The following CAST variants were observed in gnomAD, a reference collection of about 807,000 sequenced individuals.
CAST encodes the protein MIR583 host.
A neutral mutation model predicts 119.6 loss-of-function variants in CAST; 76 were observed. The observed-to-expected ratio is 0.64, with a 90% CI of 0.53 to 0.77. The LOEUF is 0.77. Ranked by LOEUF, CAST falls within the 30% of genes least tolerant of loss-of-function variation. The pLI, the probability that CAST is intolerant of heterozygous loss-of-function variation, is 0.00. For missense variants in CAST, 953 were observed against 946.5 expected (o/e 1.01, Z -0.09); for synonymous variants, 319 against 331.6 (o/e 0.96, Z 0.41).
chr5:96,047,626 A>G, the CAST span, among the ~76,000 whole-genome samples: 1 of 152,236 alleles, frequency 6.6e-6, no homozygotes, highest in African/African-American at 2.4e-5. Context: ...TTTATAATGC[A>G]TTCATTCATC....
At chr5:96,757,369 G>A (rs1766535990) in intron 22 of CAST, 75 bp from the exon 23 acceptor site, 8 of 1,315,914 alleles carry the variant, frequency 6.1e-6, no homozygotes, top group Non-Finnish European at 8.8e-6. Context: ...TAGACCCTTT[G>A]TAATGTTTAC....
At chr5:96,381,736 T>C in the CAST span, among the ~76,000 whole-genome samples, 40,339 of 152,170 alleles carry the variant, frequency 0.27, 5,446 homozygotes, top group East Asian at 0.32. Context: ...GTCACACACA[T>C]GCTCTTTTGA....
intron 1 of CAST, among the ~76,000 whole-genome samples, chr5:96,572,401 A>T (rs2150187407): frequency 6.6e-6 from 1 of 152,262 alleles, no homozygotes; most frequent in East Asian, 1.9e-4. Flanking sequence ...GGGTTTCGCC[A>T]TGTTGGCCAG....
the CAST span, among the ~76,000 whole-genome samples, chr5:96,508,146 T>C: frequency 2.6e-5 from 4 of 151,904 alleles, no homozygotes; most frequent in African/African-American, 2.4e-5. Flanking sequence ...CAGAAGTGAG[T>C]CATTACACCT....
At chr5:95,973,612 C>T in the CAST span, among the ~76,000 whole-genome samples, 1,158 of 152,214 alleles carry the variant, frequency 7.6e-3, 4 homozygotes, top group Non-Finnish European at 0.011. Context: ...ACTGTATTTG[C>T]ACCTAAGTAA....
chr5:96,566,422 A>C (rs1325631513), intron 1 of CAST, among the ~76,000 whole-genome samples: 1 of 152,234 alleles, frequency 6.6e-6, no homozygotes, highest in Non-Finnish European at 1.5e-5. Flanking sequence ...AGGTGATGCT[A>C]ATCTATCACT....
the CAST span, among the ~76,000 whole-genome samples, chr5:96,518,082 C>T: frequency 6.6e-6 from 1 of 152,340 alleles, no homozygotes; most frequent in African/African-American, 2.4e-5. Context: ...GCAGAGCCCA[C>T]ATTCTTAAAT....
the CAST span, among the ~76,000 whole-genome samples, chr5:96,359,207 T>G: frequency 6.6e-6 from 1 of 152,344 alleles, no homozygotes; most frequent in South Asian, 2.1e-4. Context: ...CTCCATCCCT[T>G]TATCTTGAGC....
chr5:96,727,054 C>G (rs944114951), intron 5 of CAST, among the ~76,000 whole-genome samples, 195 bp downstream of exon 5: 3 of 152,226 alleles, frequency 2.0e-5, no homozygotes, highest in African/African-American at 7.2e-5. Flanking sequence ...GCCCTCAATT[C>G]TGTCACCATC....
the CAST span, among the ~76,000 whole-genome samples, chr5:96,496,319 ATTTC>A: frequency 6.6e-6 from 1 of 152,190 alleles, no homozygotes; most frequent in Admixed American, 6.6e-5. Context: ...TGAAAGAAAT[ATTTC>A]TTATTGCACA....
intron 1 of CAST, among the ~76,000 whole-genome samples, chr5:96,553,076 C>G (rs59397928): frequency 2.6e-5 from 4 of 152,096 alleles, no homozygotes; most frequent in Non-Finnish European, 4.4e-5. Context: ...CAGCATCATC[C>G]TAATACCAAA....
chr5:96,554,319 T>G (rs1408395476), intron 1 of CAST, among the ~76,000 whole-genome samples: 1 of 152,170 alleles, frequency 6.6e-6, no homozygotes, highest in Non-Finnish European at 1.5e-5. Context: ...ATTCCCTATT[T>G]AATAAATGGT....
chr5:96,716,794 G>A (rs918974489), intron 3 of CAST, among the ~76,000 whole-genome samples: 4 of 152,112 alleles, frequency 2.6e-5, no homozygotes, highest in African/African-American at 9.7e-5. Flanking sequence ...AAAATGTTTT[G>A]TATTTGTTTT....
chr5:96,540,175 T>G (rs1745886128), intron 1 of CAST, among the ~76,000 whole-genome samples: 1 of 152,080 alleles, frequency 6.6e-6, no homozygotes, highest in African/African-American at 2.4e-5. Flanking sequence ...TATTTTTTTC[T>G]TTTAAACAGT....
chr5:96,497,431 G>A, the CAST span, among the ~76,000 whole-genome samples: 4 of 151,996 alleles, frequency 2.6e-5, no homozygotes, highest in Admixed American at 2.0e-4. Flanking sequence ...CTGAGGAATC[G>A]CCACACTGAC....
intron 1 of CAST, among the ~76,000 whole-genome samples, chr5:96,625,355 T>C (rs1481104772): frequency 6.6e-6 from 1 of 151,898 alleles, no homozygotes; most frequent in Non-Finnish European, 1.5e-5. Context: ...CCTTTATCTT[T>C]ACTGAACTGG....
the CAST span, among the ~76,000 whole-genome samples, chr5:96,253,841 G>A: frequency 3.9e-5 from 6 of 152,098 alleles, no homozygotes; most frequent in East Asian, 5.8e-4. Context: ...ATATGATGTA[G>A]CATATTTTAT....
the CAST span, among the ~76,000 whole-genome samples, chr5:96,250,192 G>T: frequency 6.6e-6 from 1 of 152,134 alleles, no homozygotes; most frequent in Non-Finnish European, 1.5e-5. Flanking sequence ...ATTTCAGTTA[G>T]AAATTTTATT....
At chr5:96,267,405 G>C in the CAST span, among the ~76,000 whole-genome samples, 3,525 of 152,270 alleles carry the variant, frequency 0.023, 145 homozygotes, top group African/African-American at 0.082. Flanking sequence ...ATGAAGGACA[G>C]AGAGAGGATT....
Sources: allele counts gnomAD v4.1 joint callset (sites outside exome capture counted in the v4.1 genomes callset), GRCh38; gene constraint gnomAD v4.1.1; transcripts MANE v1.5; gene names NCBI Gene and HGNC (gene_info 2026-07-23, HGNC 2026-07-21).